The following NCKIPSD variants were observed in gnomAD, a reference collection of about 807,000 sequenced individuals.
NCKIPSD encodes NCK-interacting protein with SH3 domain.
NCKIPSD carries 48 observed loss-of-function variants against 73.4 expected under a neutral mutation model. The ratio of observed to expected loss-of-function variants is 0.65; its 90% CI spans 0.52 to 0.83. The LOEUF (loss-of-function observed/expected upper bound fraction) is 0.83. Among genes scored for constraint, NCKIPSD ranks in the 40% least tolerant of loss-of-function variants. The pLI is 0.00. For missense variants in NCKIPSD, 884 were observed against 970.2 expected, an observed-to-expected ratio of 0.91 and a Z score of 1.18; for synonymous variants, 422 against 403.6, an observed-to-expected ratio of 1.05 and a Z score of -0.54.
At chr3:48,682,851 C>A in intron 2 of NCKIPSD, 52 bp downstream of exon 2, 32 of 1,522,258 alleles carry the variant, frequency 2.1e-5, no homozygotes, top group Non-Finnish European at 2.8e-5. Flanking sequence ...TTGAAGAACC[C>A]CACCCCACCA....
At chr3:48,676,212 A>C (rs117503749) in intron 12 of NCKIPSD, among the ~76,000 whole-genome samples, 5 of 151,772 alleles carry the variant, frequency 3.3e-5, no homozygotes, top group East Asian at 1.9e-4. Context: ...AAACCTACCT[A>C]CCTTGTCAGC....
chr3:48,685,513 CCTGT>C (rs1244420912), intron 1 of NCKIPSD, 120 bp downstream of exon 1: 1 of 1,248,228 alleles, frequency 8.0e-7, no homozygotes, highest in Non-Finnish European at 1.1e-6. Flanking sequence ...TCTCAAACTC[CCTGT>C]CTGATAGAGG....
In NCKIPSD at chr3:48,685,692, C is replaced by A; in HGVS notation, c.116G>T (p.Arg39Leu). Residue 39 changes from arginine (R) to leucine (L), a missense_variant, in exon 1 of 13, where the codon CGG becomes CTG. Transcript: ENST00000294129. ...RSSAHWWLAA[R>L]ARSGETGYVP... is the part of the protein sequence containing the mutation. ...GTAGCCCGTCTCACCACTGCGCGCC[C>A]GCGCGGCCAGCCACCAGTGCGCGCT... 6.6e-7 allele frequency: 1 copy of A among 1,526,070 alleles called. No individual in the cohort carries two copies. The highest frequency in any genetic ancestry group is 1.4e-5 in the African/African-American group (1 of 70,956). The allele number at this position is 1,526,070 out of a possible 1,614,324, so 94.5% of individuals were successfully genotyped here. A position where few individuals can be genotyped will look rare whatever the true frequency, so the allele number is the denominator to read the frequency against.
Position 48,682,490 on chromosome 3 carries a change from G to GCAA in NCKIPSD, c.341_343dup (p.Val114dup), listed in dbSNP as rs1443142978. ...GTCACTGGTTGATGAGGTCATAACT[G>GCAA]CAACACTGGAGGCTGAAGGGCCTCT... On this transcript the variant is annotated inframe_insertion, in exon 3 of 13. Coordinates refer to ENST00000294129, the MANE Select transcript of NCKIPSD (RefSeq NM_016453.4). 1 of 1,614,168 alleles carries GCAA rather than the reference G, an allele frequency of 6.2e-7. No individual in the cohort carries two copies. Among genetic ancestry groups the GCAA allele is most frequent in the South Asian group, 1.1e-5 (1 of 91,084 alleles).
chr3:48,684,129 G>T (rs1046360219), intron 1 of NCKIPSD, among the ~76,000 whole-genome samples: 4 of 152,056 alleles, frequency 2.6e-5, no homozygotes, highest in African/African-American at 9.7e-5. Flanking sequence ...CCAGAGTGTG[G>T]GGGGAGCCGG....
At chr3:48,685,196 AGGG>A (rs2077417085) in intron 1 of NCKIPSD, among the ~76,000 whole-genome samples, 2 of 260 alleles carry the variant, frequency 7.7e-3, no homozygotes, top group Admixed American at 0.083. Context: ...GAAGGAAGGG[AGGG>A]AGGGAGGGAG....
Position 48,682,116 on chromosome 3 carries a change from C to A in NCKIPSD, c.527G>T (p.Arg176Leu), listed in dbSNP as rs145562243. 1.2e-6 allele frequency: 2 copies of A among 1,600,704 alleles called. No individual in the cohort carries two copies. The highest frequency in any genetic ancestry group is 1.7e-5 in the Admixed American group (1 of 59,888). Reference sequence around the variant, plus strand: ...TGGGGGCGGTGTGGTGGGTGCTGCTCGGCGAGGCTGTGGTGGGATCTGGGA... The same window carrying A: ...TGGGGGCGGTGTGGTGGGTGCTGCTAGGCGAGGCTGTGGTGGGATCTGGGA... ...PSSQIPPQPR[R>L]AAPTTPPPPV... is the part of the protein sequence containing the mutation. The change falls in exon 4 of 13, where the codon CGA (arginine) becomes CTA (leucine). Residue 176 changes from arginine to leucine, a missense_variant. Physicochemically the swap from Arg to Leu is moderately radical, Grantham distance 102. Coordinates refer to ENST00000294129, the MANE Select transcript of NCKIPSD (RefSeq NM_016453.4).
At chr3:48,679,242 C>A in intron 9 of NCKIPSD, 59 bp from the exon 10 acceptor site, 1 of 1,610,662 alleles carries the variant, frequency 6.2e-7, no homozygotes, top group South Asian at 1.1e-5. Flanking sequence ...CCGCACCACC[C>A]ACCCTTCCTG....
At chr3:48,682,681 C>T (rs569663106) in intron 2 of NCKIPSD, 129 bp from the exon 3 acceptor site, 6 of 1,204,442 alleles carry the variant, frequency 5.0e-6, no homozygotes, top group African/African-American at 3.0e-5. Context: ...CATGCTCCAC[C>T]CCAGCCTACA....
intron 1 of NCKIPSD, among the ~76,000 whole-genome samples, chr3:48,684,990 G>A (rs1396533642): frequency 6.6e-6 from 1 of 151,826 alleles, no homozygotes; most frequent in Non-Finnish European, 1.5e-5. Context: ...CTTAGAGGGT[G>A]GCTGAACACA....
rs753219562 is a variant in NCKIPSD at position 48,674,767 on chromosome 3, G to A, written c.1966-20C>T. On this transcript the variant is annotated intron_variant, in intron 12 of 12. Coordinates refer to ENST00000294129, the MANE Select transcript of NCKIPSD (RefSeq NM_016453.4). ...GCGCAGCTGTGGGAAGAGCAGGCCAGCTCAGGGACCCCAGGGAGGTACTGC... is the reference window on the plus strand; with the variant it reads ...GCGCAGCTGTGGGAAGAGCAGGCCAACTCAGGGACCCCAGGGAGGTACTGC... The A allele has an allele frequency of 6.2e-7, 1 of 1,612,130 alleles. No individual in the cohort carries two copies. Among genetic ancestry groups the A allele is most frequent in the Non-Finnish European group, 8.5e-7 (1 of 1,179,114 alleles).
chr3:48,678,759 G>A (rs1165839938), intron 11 of NCKIPSD, 23 bp from the exon 12 acceptor site: 1 of 1,612,042 alleles, frequency 6.2e-7, no homozygotes, highest in African/African-American at 1.3e-5. Context: ...GGTCATAGCG[G>A]TCAGGGTGGA....
At position 48,681,489 on chromosome 3, in the gene NCKIPSD, G is replaced by A. The variant is rs1173270214; in HGVS notation, c.890C>T (p.Thr297Ile). 2.5e-6 allele frequency: 4 copies of A among 1,614,148 alleles called. No individual in the cohort carries two copies. Among genetic ancestry groups the A allele is most frequent in the Non-Finnish European group, 3.4e-6 (4 of 1,180,034 alleles). ...CTCAGCTGCTGCCTTCTCCTCTGTG[G>A]TCCCCAGGCTCAGTGTACCCAGGGC... Reference protein sequence around the residue: ...LEALGTLSLGTTEEKAAAEAA... With the variant: ...LEALGTLSLGITEEKAAAEAA... Residue 297 changes from threonine (T) to isoleucine (I), a missense_variant, in exon 5 of 13, where the codon ACC becomes ATC. Physicochemically the swap from Thr to Ile is moderately conservative, Grantham distance 89. Transcript: ENST00000294129.
At position 48,677,377 on chromosome 3, in the gene NCKIPSD, G is replaced by GACAA. The variant is rs375474983; in HGVS notation, c.1965+1183_1965+1186dup. ...CACTCCAGCCTTGGCAACAGTGGGAGACAAACAAACAAACAAACAACAACA... is the reference window on the plus strand; with the variant it reads ...CACTCCAGCCTTGGCAACAGTGGGAGACAAACAAACAAACAAACAAACAACAACA... On this transcript the variant is annotated intron_variant, in intron 12 of 12. Coordinates refer to ENST00000294129, the MANE Select transcript of NCKIPSD (RefSeq NM_016453.4). 5.1e-3 allele frequency among the ~76,000 whole-genome samples: 775 copies of GACAA among 151,574 alleles called. 5 individuals are homozygous for GACAA. Among genetic ancestry groups the GACAA allele is most frequent in the African/African-American group, 0.017 (721 of 41,320 alleles).
In NCKIPSD at chr3:48,679,695, G is replaced by A. The variant is rs765545715; in HGVS notation, c.1369C>T (p.Arg457Trp). ...CCAAAGCACTTGAGGAGCAGCAGCC[G>A]CAGTGATGCTCGGTGTTCCTGGCAG... ...YYQMEHRASL[R>W]LLLLKCFGAM... The change falls in exon 8 of 13, where the codon CGG becomes TGG. Residue 457 changes from arginine (R) to tryptophan (W), a missense_variant. By Grantham distance (101) the Arg-to-Trp change is moderately radical. Transcript: ENST00000294129. 30 of 1,614,172 alleles carry A rather than the reference G, an allele frequency of 1.9e-5. No individual in the cohort carries two copies. Among genetic ancestry groups the A allele is most frequent in the Non-Finnish European group, 2.1e-5 (25 of 1,180,026 alleles).
rs2077214631 is a variant in NCKIPSD at position 48,674,077 on chromosome 3, T to C, written c.*467A>G. On this transcript the variant is annotated 3_prime_UTR_variant, in exon 13 of 13. Coordinates refer to ENST00000294129, the MANE Select transcript of NCKIPSD (RefSeq NM_016453.4). ...TAGGAGTGAAGGGCAGCGACCCCCA[T>C]GTGCGGGTGGAGGGGAGGACATGAG... 7.4e-6 allele frequency: 8 copies of C among 1,079,896 alleles called. No homozygotes were observed. The highest frequency in any genetic ancestry group is 4.3e-5 in the South Asian group (1 of 23,188). The allele number at this position is 1,079,896 out of a possible 1,614,324, so 66.9% of individuals were successfully genotyped here. A position where few individuals can be genotyped will look rare whatever the true frequency, so the allele number is the denominator to read the frequency against.
At position 48,679,635 on chromosome 3, in the gene NCKIPSD, TG is replaced by T. The variant is rs771301039; in HGVS notation, c.1428del (p.Thr477ArgfsTer9). The T allele has an allele frequency of 1.2e-6, 2 of 1,614,052 alleles. No homozygotes were observed. The highest frequency in any genetic ancestry group is 2.2e-5 in the South Asian group (2 of 91,082). On this transcript the variant is annotated frameshift_variant, in exon 8 of 13. Transcript: ENST00000294129. LOFTEE classifies it high-confidence loss of function. ...AMCSLDAAII[S>X]TLVSSVLPVE... The stretch of plus-strand genomic sequence containing the variant: ...ACAGGCAGCACGGATGACACAAGCG[TG>T]GAGATGATGGCTGCATCCAGGCTGC...
chr3:48,675,446 C>G (rs1340864392), intron 12 of NCKIPSD, among the ~76,000 whole-genome samples: 1 of 149,814 alleles, frequency 6.7e-6, no homozygotes, highest in Non-Finnish European at 1.5e-5. Context: ...CTCCTCCAAC[C>G]TATACTCCCA....
In NCKIPSD at chr3:48,685,630, C is replaced by G. The variant is rs535640984; in HGVS notation, c.171+7G>C. ...CGCGGAGGCCGGGCGGGAAGGGGCG[C>G]ACTCACCTGCAGGCGGCGCAGGTAG... is the stretch of plus-strand genomic sequence containing the variant. On this transcript the variant is annotated splice_region_variant and intron_variant, in intron 1 of 12. Coordinates refer to ENST00000294129, the MANE Select transcript of NCKIPSD (RefSeq NM_016453.4). 2.6e-6 allele frequency: 4 copies of G among 1,519,048 alleles called. No individual in the cohort carries two copies. The highest frequency in any genetic ancestry group is 3.5e-6 in the Non-Finnish European group (4 of 1,139,640). 94.1% of individuals were successfully genotyped at this position (1,519,048 alleles called of 1,614,324 possible).
Sources: allele counts gnomAD v4.1 joint callset (sites outside exome capture counted in the v4.1 genomes callset), GRCh38; gene constraint gnomAD v4.1.1; transcripts MANE v1.5; gene names NCBI Gene and HGNC (gene_info 2026-07-23, HGNC 2026-07-21).